The following COL21A1 variants were observed in gnomAD, a reference collection of about 807,000 sequenced individuals.
COL21A1 encodes collagen alpha-1(XXI) chain.
COL21A1 carries 149 observed loss-of-function variants against 137.9 expected under a neutral mutation model. The ratio of observed to expected loss-of-function variants is 1.08; its 90% CI spans 0.95 to 1.24. COL21A1 has a LOEUF of 1.24. Ranked by LOEUF, COL21A1 falls within the 50% of genes most tolerant of loss-of-function variation. COL21A1 has a pLI of 0.00. For missense variants in COL21A1, 1,167 were observed against 1,158.4 expected, an observed-to-expected ratio of 1.01 and a Z score of -0.11; for synonymous variants, 456 against 391.5, an observed-to-expected ratio of 1.16 and a Z score of -1.95.
intron 20 of COL21A1, among the ~76,000 whole-genome samples, chr6:56,071,077 CTAA>C (rs1426527332): frequency 1.3e-5 from 2 of 151,434 alleles, no homozygotes; most frequent in Non-Finnish European, 3.0e-5. Flanking sequence ...GTGGCCAGCA[CTAA>C]TAAGTCCAGC....
intron 1 of COL21A1, among the ~76,000 whole-genome samples, chr6:56,243,584 A>G (rs1782473828): frequency 6.6e-6 from 1 of 152,216 alleles, no homozygotes; most frequent in African/African-American, 2.4e-5. Flanking sequence ...GTAAAATAAT[A>G]GCAAATTCTT....
intron 2 of COL21A1, among the ~76,000 whole-genome samples, chr6:56,180,816 G>T (rs1031493114): frequency 3.3e-5 from 5 of 152,198 alleles, no homozygotes; most frequent in African/African-American, 1.2e-4. Context: ...AGAAGTTAGA[G>T]AAGAAGACAA....
At chr6:56,328,818 C>A (rs1286507768) in intron 1 of COL21A1, among the ~76,000 whole-genome samples, 1 of 151,988 alleles carries the variant, frequency 6.6e-6, no homozygotes, top group Non-Finnish European at 1.5e-5. Flanking sequence ...TACTAACTGG[C>A]AAACTCTGCT....
intron 2 of COL21A1, among the ~76,000 whole-genome samples, chr6:56,180,626 A>G (rs1470434374): frequency 6.6e-6 from 1 of 151,620 alleles, no homozygotes; most frequent in Non-Finnish European, 1.5e-5. Context: ...CCTTTTGGGG[A>G]AAAAAAAATA....
chr6:56,325,740 T>TCA (rs796778350), intron 1 of COL21A1, among the ~76,000 whole-genome samples: 151 of 1,124 alleles, frequency 0.13, 3 homozygotes, highest in Middle Eastern at 0.5. Flanking sequence ...ATATTATATA[T>TCA]TATATATAAT....
intron 16 of COL21A1, among the ~76,000 whole-genome samples, chr6:56,120,684 C>G (rs528082659): frequency 6.6e-6 from 1 of 151,880 alleles, no homozygotes; most frequent in South Asian, 2.1e-4. Context: ...ATCCCTGCTA[C>G]TTGGGAAGCT....
intron 1 of COL21A1, among the ~76,000 whole-genome samples, chr6:56,358,971 C>T (rs1765901036): frequency 6.6e-6 from 1 of 151,964 alleles, no homozygotes; most frequent in Admixed American, 6.6e-5. Flanking sequence ...TTGGTTAAAG[C>T]TTGGCAATTT....
chr6:56,267,779 G>A (rs1342732377), intron 1 of COL21A1, among the ~76,000 whole-genome samples: 7 of 130,998 alleles, frequency 5.3e-5, no homozygotes, highest in Non-Finnish European at 9.6e-5. Context: ...AAAAGAAGAA[G>A]AAGAAGAAGA....
chr6:56,092,850 T>C (rs1342228530), intron 17 of COL21A1, among the ~76,000 whole-genome samples: 5 of 152,310 alleles, frequency 3.3e-5, no homozygotes, highest in South Asian at 4.1e-4. Context: ...AGTTCTGGAA[T>C]GCACAAGTCT....
intron 1 of COL21A1, among the ~76,000 whole-genome samples, chr6:56,331,556 T>C (rs76993913): frequency 0.018 from 2,768 of 151,928 alleles, 93 homozygotes; most frequent in African/African-American, 0.063. Flanking sequence ...AGTGTATTTT[T>C]TTGTCAACTT....
chr6:56,193,235 A>C (rs57182089), intron 1 of COL21A1, among the ~76,000 whole-genome samples: 3,823 of 152,216 alleles, frequency 0.025, 155 homozygotes, highest in African/African-American at 0.088. Context: ...GGGTGCAGCA[A>C]ATCACCCTGG....
chr6:56,219,216 C>CA (rs386407160), intron 1 of COL21A1, among the ~76,000 whole-genome samples: 4,242 of 76,434 alleles, frequency 0.055, 240 homozygotes, highest in African/African-American at 0.14. Flanking sequence ...AAACTTGCAC[C>CA]AAAAAAAAAA....
chr6:56,132,402 GA>G (rs1332663043), intron 12 of COL21A1, among the ~76,000 whole-genome samples: 4 of 152,048 alleles, frequency 2.6e-5, no homozygotes, highest in African/African-American at 4.8e-5. Flanking sequence ...AAGTAGCCAG[GA>G]AATTTTGATT....
chr6:56,236,570 A>G (rs577698618), intron 1 of COL21A1, among the ~76,000 whole-genome samples: 1 of 152,206 alleles, frequency 6.6e-6, no homozygotes, highest in Middle Eastern at 3.4e-3. Flanking sequence ...AGCATGCTTC[A>G]AAAGGCTGGG....
intron 1 of COL21A1, among the ~76,000 whole-genome samples, chr6:56,208,667 A>G (rs968846734): frequency 6.6e-6 from 1 of 152,186 alleles, no homozygotes; most frequent in African/African-American, 2.4e-5. Flanking sequence ...GAATTAGAAA[A>G]CACTATGTTA....
At chr6:56,338,053 C>T (rs1292614547) in intron 1 of COL21A1, among the ~76,000 whole-genome samples, 2 of 150,558 alleles carry the variant, frequency 1.3e-5, no homozygotes, top group East Asian at 3.9e-4. Context: ...ACCTCCGCCT[C>T]CCGGGTTCAA....
At chr6:56,211,330 TTTTA>T (rs1346366993) in intron 1 of COL21A1, among the ~76,000 whole-genome samples, 2 of 151,524 alleles carry the variant, frequency 1.3e-5, no homozygotes, top group Admixed American at 6.6e-5. Context: ...GAATACAAAT[TTTTA>T]TTTATTTCTA....
intron 1 of COL21A1, among the ~76,000 whole-genome samples, chr6:56,235,252 G>C (rs1161546925): frequency 2.6e-5 from 4 of 151,860 alleles, no homozygotes; most frequent in Non-Finnish European, 5.9e-5. Context: ...TATGCCTCTG[G>C]TAAACCCACA....
At chr6:56,153,478 T>A (rs994742883) in intron 10 of COL21A1, among the ~76,000 whole-genome samples, 2 of 152,108 alleles carry the variant, frequency 1.3e-5, no homozygotes, top group African/African-American at 4.8e-5. Context: ...ATATCTCCCA[T>A]TTTTTAAAAA....
Sources: gnomAD v4.1 joint callset for allele counts (sites outside exome capture counted in the v4.1 genomes callset) on GRCh38, gnomAD v4.1.1 for gene constraint, MANE v1.5 for transcripts, NCBI Gene and HGNC (gene_info 2026-07-23, HGNC 2026-07-21) for gene names.